Variants in OSBPL6 observed in about 807,000 individuals in gnomAD.
OSBPL6 encodes oxysterol binding protein like 6.
A neutral mutation model predicts 125.8 loss-of-function variants in OSBPL6; 49 were observed. The observed-to-expected ratio is 0.39, with a 90% CI of 0.31 to 0.49. The LOEUF is 0.49. OSBPL6 is among the 20% of genes least tolerant of loss of function. The pLI, the probability that OSBPL6 is intolerant of heterozygous loss-of-function variation, is 0.88. For missense variants in OSBPL6, 986 were observed against 1,135.4 expected (o/e 0.87, Z 1.89); for synonymous variants, 394 against 391.8 (o/e 1.01, Z -0.07).
At chr2:178,297,079 A>G (rs1412558409) in intron 2 of OSBPL6, among the ~76,000 whole-genome samples, 1 of 152,302 alleles carries the variant, frequency 6.6e-6, no homozygotes, top group East Asian at 1.9e-4. Flanking sequence ...GTTTTGAAAG[A>G]ATTAATGCTA....
intron 1 of OSBPL6, among the ~76,000 whole-genome samples, chr2:178,201,937 A>G (rs1465285793): frequency 6.6e-6 from 1 of 152,246 alleles, no homozygotes; most frequent in East Asian, 1.9e-4. Flanking sequence ...ATCAAGTCAC[A>G]TAGTAGGCTC....
At chr2:178,221,500 A>G (rs138414340) in intron 1 of OSBPL6, among the ~76,000 whole-genome samples, 5 of 152,354 alleles carry the variant, frequency 3.3e-5, no homozygotes, top group African/African-American at 7.2e-5. Context: ...TTGGAAATGT[A>G]TGTTAAGTTC....
chr2:178,338,385 G>A (rs1448433983), intron 9 of OSBPL6, among the ~76,000 whole-genome samples: 1 of 151,994 alleles, frequency 6.6e-6, no homozygotes, highest in Non-Finnish European at 1.5e-5. Context: ...CATTCTAAAC[G>A]TTAATTCAGA....
Position 178,361,324 on chromosome 2 carries a change from A to G in OSBPL6, c.1154-358A>G, listed in dbSNP as rs117155583. Among the ~76,000 whole-genome samples the G allele has an allele frequency of 2.4e-4, 37 of 152,380 alleles. No individual in the cohort carries two copies. The East Asian group carries it at 7.1e-3, about 29-fold the overall frequency. ...TTATGCTACACAGAACTGCTCAAATATGATAATCAAATATGGCAAGTAAAC... is the reference window on the plus strand; with the variant it reads ...TTATGCTACACAGAACTGCTCAAATGTGATAATCAAATATGGCAAGTAAAC... On this transcript the variant is annotated intron_variant, in intron 12 of 24. Transcript: ENST00000190611.
At chr2:178,243,930 C>T (rs553346063) in intron 1 of OSBPL6, among the ~76,000 whole-genome samples, 2 of 152,300 alleles carry the variant, frequency 1.3e-5, no homozygotes, top group South Asian at 2.1e-4. Flanking sequence ...GGATTACAGG[C>T]GTGAGCCAAC....
In OSBPL6 at chr2:178,344,152, G is replaced by A. The variant is rs1336437040; in HGVS notation, c.987+4388G>A. On this transcript the variant is annotated intron_variant, in intron 11 of 24. Coordinates refer to ENST00000190611, the MANE Select transcript of OSBPL6 (RefSeq NM_032523.4). ...ATGAACTCCCCTGTGAGCGCTTTTCGATGCTGATTTAAGAAAAGTCGACTT... is the reference window on the plus strand; with the variant it reads ...ATGAACTCCCCTGTGAGCGCTTTTCAATGCTGATTTAAGAAAAGTCGACTT... 7.2e-6 allele frequency: 5 copies of A among 696,614 alleles called. 1 individual carries two copies. Among genetic ancestry groups the A allele is most frequent in the South Asian group, 5.6e-5 (3 of 53,780 alleles). 43.2% of individuals were successfully genotyped at this position (696,614 alleles called of 1,614,324 possible). A position where few individuals can be genotyped will look rare whatever the true frequency, so the allele number is the denominator to read the frequency against.
rs745719876 is a variant in OSBPL6, at chr2:178,332,896, C to T, written c.512C>T (p.Ala171Val). Reference protein sequence around the residue: ...LKVKSQDWFDAWVSKLRHHRL... With the variant: ...LKVKSQDWFDVWVSKLRHHRL... Reference sequence around the variant, plus strand: ...GTGAAATCCCAGGACTGGTTTGATGCATGGGTCTCCAAACTGCGACATCAT... The same window carrying T: ...GTGAAATCCCAGGACTGGTTTGATGTATGGGTCTCCAAACTGCGACATCAT... Residue 171 changes from alanine (A) to valine (V), a missense_variant, in exon 8 of 25, where the codon GCA becomes GTA. By Grantham distance (64) the Ala-to-Val change is moderately conservative. Coordinates refer to ENST00000190611, the MANE Select transcript of OSBPL6 (RefSeq NM_032523.4). 1 of 1,613,582 alleles carries T rather than the reference C, an allele frequency of 6.2e-7. No individual in the cohort carries two copies. The highest frequency in any genetic ancestry group is 8.5e-7 in the Non-Finnish European group (1 of 1,179,524).
At chr2:178,195,983 C>T (rs1312720642) in intron 1 of OSBPL6, among the ~76,000 whole-genome samples, 1 of 151,850 alleles carries the variant, frequency 6.6e-6, no homozygotes, top group Non-Finnish European at 1.5e-5. Flanking sequence ...TGTTTCTTTT[C>T]CTTCTTTCAT....
At chr2:178,375,215 G>A (rs1266559207) in intron 15 of OSBPL6, among the ~76,000 whole-genome samples, 1 of 152,120 alleles carries the variant, frequency 6.6e-6, no homozygotes, top group Non-Finnish European at 1.5e-5. Context: ...AGGCTACAGG[G>A]CCAGAATGTT....
intron 18 of OSBPL6, 104 bp downstream of exon 18, chr2:178,384,280 A>C (rs1334417746): frequency 1.4e-6 from 2 of 1,422,248 alleles, no homozygotes; most frequent in African/African-American, 2.8e-5. Context: ...TTATGATACC[A>C]GTTGTGAATT....
At chr2:178,264,221 A>T (rs922874662) in intron 1 of OSBPL6, among the ~76,000 whole-genome samples, 5 of 152,328 alleles carry the variant, frequency 3.3e-5, no homozygotes, top group African/African-American at 1.2e-4. Context: ...AAATTACTTG[A>T]TTTGAAGCAT....
chr2:178,210,819 A>C lies in OSBPL6; in HGVS notation c.-351+16145A>C, dbSNP rs568971526. Among the ~76,000 whole-genome samples, 744 of 122,398 alleles carry C rather than the reference A, an allele frequency of 6.1e-3. 5 individuals are homozygous for C. Among genetic ancestry groups the C allele is most frequent in the African/African-American group, 0.026 (704 of 27,358 alleles). 80.3% of individuals were successfully genotyped at this position (122,398 alleles called of 152,430 possible). Reference sequence around the variant, plus strand: ...AAGTGTGAGACAATGTTTCAAAAAAAAAAAACACACACACACACACACACA... The same window carrying C: ...AAGTGTGAGACAATGTTTCAAAAAACAAAAACACACACACACACACACACA... On this transcript the variant is annotated intron_variant, in intron 1 of 24. Coordinates refer to ENST00000190611, the MANE Select transcript of OSBPL6 (RefSeq NM_032523.4).
intron 15 of OSBPL6, among the ~76,000 whole-genome samples, chr2:178,375,122 C>T (rs1575006689): frequency 6.6e-6 from 1 of 152,118 alleles, no homozygotes; most frequent in South Asian, 2.1e-4. Flanking sequence ...TAATTAGTGC[C>T]TCTTTTCCTG....
intron 3 of OSBPL6, chr2:178,320,112 T>C (rs879242700): frequency 3.0e-6 from 2 of 666,628 alleles, no homozygotes; most frequent in South Asian, 4.7e-5. Context: ...TCCTGGACTC[T>C]CATTTTGAGA....
chr2:178,266,662 CT>C (rs1464186080), intron 1 of OSBPL6, among the ~76,000 whole-genome samples: 1 of 152,196 alleles, frequency 6.6e-6, no homozygotes, highest in Non-Finnish European at 1.5e-5. Flanking sequence ...AGCACCGCCC[CT>C]CACAGTCTCT....
intron 1 of OSBPL6, among the ~76,000 whole-genome samples, chr2:178,240,556 C>A (rs1369738724): frequency 6.6e-6 from 1 of 151,802 alleles, no homozygotes; most frequent in African/African-American, 2.4e-5. Context: ...CGTCTCAAAA[C>A]TAACTAACTA....
At chr2:178,331,516 ATACAGAC>A (rs1440687089) in intron 5 of OSBPL6, 29 bp from the exon 6 acceptor site, 1 of 1,610,350 alleles carries the variant, frequency 6.2e-7, no homozygotes, top group South Asian at 1.1e-5. Context: ...GTAATTCAAA[ATACAGAC>A]AGTAACTGGG....
intron 1 of OSBPL6, among the ~76,000 whole-genome samples, chr2:178,240,227 C>T (rs926970893): frequency 1.3e-5 from 2 of 152,114 alleles, no homozygotes; most frequent in Non-Finnish European, 2.9e-5. Flanking sequence ...GGTTGTACAA[C>T]AGTATAAATG....
intron 8 of OSBPL6, among the ~76,000 whole-genome samples, chr2:178,333,867 G>A (rs537870961): frequency 1.6e-4 from 25 of 152,226 alleles, no homozygotes; most frequent in Admixed American, 1.6e-3. Context: ...TAAGCATTTG[G>A]CACTCATTCG....
Sources: gnomAD v4.1 joint callset for allele counts (sites outside exome capture counted in the v4.1 genomes callset) on GRCh38, gnomAD v4.1.1 for gene constraint, MANE v1.5 for transcripts, NCBI Gene and HGNC (gene_info 2026-07-23, HGNC 2026-07-21) for gene names.